AR: variants seen among roughly 807,000 people sequenced by gnomAD.
AR encodes dihydrotestosterone receptor.
In AR, 8 loss-of-function variants were observed where a neutral mutation model predicts 53.9. The observed-to-expected ratio is 0.15, with a 90% confidence interval of 0.09 to 0.27. The LOEUF is 0.27. Ranked by LOEUF, AR falls within the 10% of genes least tolerant of loss-of-function variation. The pLI, the probability that AR is intolerant of heterozygous loss-of-function variation, is 1.00. For synonymous variants in AR, 359 were observed against 316.4 expected (o/e 1.13, Z -1.43); for missense variants, 639 against 742.5 (o/e 0.86, Z 1.62).
intron 2 of AR, among the ~76,000 whole-genome samples, chrX:67,683,785 A>G (rs1410876764): frequency 2.7e-5 from 3 of 111,855 alleles, no homozygotes; most frequent in Non-Finnish European, 5.6e-5. Flanking sequence ...TGTAAAGAAT[A>G]TCTACGTTTT....
At chrX:67,704,820 C>G (rs376062477) in intron 3 of AR, among the ~76,000 whole-genome samples, 111 of 111,775 alleles carry the variant, frequency 9.9e-4, no homozygotes, top group South Asian at 1.5e-3. Context: ...ATTAATTTTT[C>G]TATAAGGTGT....
intron 1 of AR, among the ~76,000 whole-genome samples, chrX:67,572,940 T>A (rs1921890252): frequency 8.9e-6 from 1 of 111,866 alleles, no homozygotes; most frequent in African/African-American, 3.2e-5. Flanking sequence ...ATTTTAATGC[T>A]CACAATAGCC....
chrX:67,691,386 A>C (rs1173159923), intron 3 of AR, among the ~76,000 whole-genome samples: 1 of 112,105 alleles, frequency 8.9e-6, no homozygotes, highest in African/African-American at 3.2e-5. Context: ...CATGAAAAAT[A>C]TGATTTCTAT....
chrX:67,593,403 G>T (rs1922927721), intron 1 of AR, among the ~76,000 whole-genome samples: 1 of 103,386 alleles, frequency 9.7e-6, no homozygotes, highest in African/African-American at 3.6e-5. Flanking sequence ...TCACCAGGCT[G>T]CAGGCTGTAG....
chrX:67,565,137 A>G (rs182597872), intron 1 of AR, among the ~76,000 whole-genome samples: 33 of 111,871 alleles, frequency 2.9e-4, no homozygotes, highest in Non-Finnish European at 3.9e-4. Context: ...TCTCCTTGCC[A>G]TCAAAACCAT....
chrX:67,650,081 C>T (rs1326088382), intron 2 of AR, among the ~76,000 whole-genome samples: 3 of 112,018 alleles, frequency 2.7e-5, no homozygotes, highest in Non-Finnish European at 5.6e-5. Flanking sequence ...AAAGGAGAAA[C>T]ATTCCATGCT....
chrX:67,706,221 G>A (rs2076066605), intron 3 of AR, among the ~76,000 whole-genome samples: 1 of 111,821 alleles, frequency 8.9e-6, no homozygotes, highest in Admixed American at 9.5e-5. Flanking sequence ...AGAAGGAATG[G>A]TACCAGCTCC....
chrX:67,606,925 C>T (rs1045335756), intron 1 of AR, among the ~76,000 whole-genome samples: 5 of 112,345 alleles, frequency 4.5e-5, no homozygotes, highest in Admixed American at 2.8e-4. Context: ...ATTCATGGCA[C>T]TTGAGTGAAA....
At chrX:67,639,877 C>T (rs149469637) in intron 1 of AR, among the ~76,000 whole-genome samples, 109 of 111,390 alleles carry the variant, frequency 9.8e-4, no homozygotes, top group African/African-American at 2.9e-3. Flanking sequence ...TGGTGAGAGA[C>T]GGCATCCTTG....
intron 3 of AR, among the ~76,000 whole-genome samples, chrX:67,696,838 C>T (rs1190728373): frequency 9.0e-6 from 1 of 111,538 alleles, no homozygotes; most frequent in African/African-American, 3.3e-5. Context: ...CAGTAAGATG[C>T]TATTCAACCC....
At chrX:67,556,606 C>T in intron 1 of AR, among the ~76,000 whole-genome samples, 2 of 112,106 alleles carry the variant, frequency 1.8e-5, no homozygotes, top group South Asian at 7.5e-4. Flanking sequence ...GTGGAGCAGA[C>T]AGTTTAATGA....
At chrX:67,700,839 A>C (rs2076039282) in intron 3 of AR, among the ~76,000 whole-genome samples, 1 of 112,171 alleles carries the variant, frequency 8.9e-6, no homozygotes. Context: ...GATCTGAGTC[A>C]TTGGTGGGAA....
chrX:67,573,520 C>G (rs1921916121), intron 1 of AR, among the ~76,000 whole-genome samples: 1 of 111,627 alleles, frequency 9.0e-6, no homozygotes, highest in Non-Finnish European at 1.9e-5. Context: ...TGACTGACTT[C>G]TGAAAGTCCC....
chrX:67,602,970 C>T (rs1327403158), intron 1 of AR, among the ~76,000 whole-genome samples: 6 of 111,630 alleles, frequency 5.4e-5, no homozygotes, highest in Non-Finnish European at 1.1e-4. Flanking sequence ...ATTTATACTG[C>T]TGTGAAGTTG....
intron 1 of AR, among the ~76,000 whole-genome samples, chrX:67,560,181 C>T (rs922610897): frequency 9.0e-6 from 1 of 111,109 alleles, no homozygotes; most frequent in Non-Finnish European, 1.9e-5. Context: ...TTCAGAGTTC[C>T]CCATCAAAGA....
chrX:67,630,356 C>T (rs1223385042), intron 1 of AR, among the ~76,000 whole-genome samples: 1 of 111,663 alleles, frequency 9.0e-6, no homozygotes, highest in Non-Finnish European at 1.9e-5. Context: ...GGATACTTAG[C>T]TCTTCTTGTT....
At chrX:67,639,000 G>A (rs752619171) in intron 1 of AR, among the ~76,000 whole-genome samples, 1 of 111,982 alleles carries the variant, frequency 8.9e-6, no homozygotes, top group Non-Finnish European at 1.9e-5. Context: ...TGTGTAAGGT[G>A]TAAGGAAGGG....
At chrX:67,611,792 A>C (rs1219911386) in intron 1 of AR, among the ~76,000 whole-genome samples, 1 of 111,956 alleles carries the variant, frequency 8.9e-6, no homozygotes, top group African/African-American at 3.2e-5. Flanking sequence ...TTAGTCCTAA[A>C]GAAAGAAAAG....
chrX:67,715,578 T>C (rs563418656), intron 4 of AR, among the ~76,000 whole-genome samples: 2 of 112,040 alleles, frequency 1.8e-5, no homozygotes, highest in African/African-American at 6.5e-5. Context: ...ACCTTGGTAG[T>C]TCCTGAGCTG....
Sources: gnomAD v4.1 joint callset for allele counts (sites outside exome capture counted in the v4.1 genomes callset) on GRCh38, gnomAD v4.1.1 for gene constraint, MANE v1.5 for transcripts, NCBI Gene and HGNC (gene_info 2026-07-23, HGNC 2026-07-21) for gene names.